Variants in KRT82 observed in about 807,000 individuals in gnomAD.
KRT82 encodes keratin, type II cuticular Hb2.
In KRT82, 44 loss-of-function variants were observed where a neutral mutation model predicts 48.0. The ratio of observed to expected loss-of-function variants is 0.92; its 90% CI spans 0.72 to 1.18. The LOEUF (loss-of-function observed/expected upper bound fraction) is 1.18. Among genes scored for constraint, KRT82 ranks in the 50% most tolerant of loss-of-function variants. KRT82 has a pLI of 0.00. For missense variants in KRT82, 701 were observed against 671.4 expected, an observed-to-expected ratio of 1.04 and a Z score of -0.49; for synonymous variants, 297 against 278.3, an observed-to-expected ratio of 1.07 and a Z score of -0.67.
At position 52,395,094 on chromosome 12, in the gene KRT82, C is replaced by T. The variant is rs201217558; in HGVS notation, c.1423G>A (p.Val475Met). The change falls in exon 9 of 9, where the codon GTG (valine) becomes ATG (methionine). Residue 475 changes from valine to methionine, a missense_variant. Val to Met is a conservative substitution (Grantham distance 21). Coordinates refer to ENST00000257974, the MANE Select transcript of KRT82 (RefSeq NM_033033.4). Reference protein sequence around the residue: ...VLRSNGGCSIVGTGELYVPCE... With the variant: ...VLRSNGGCSIMGTGELYVPCE... ...GGGACATAGAGTTCACCAGTGCCCA[C>T]GATGCTGCAGCCCCCATTGCTCCTG... The T allele has an allele frequency of 1.2e-4, 198 of 1,614,030 alleles. 1 individual carries two copies. Among genetic ancestry groups the T allele is most frequent in the South Asian group, 9.7e-4 (88 of 91,072 alleles).
Position 52,406,125 on chromosome 12 carries a change from G to A in KRT82, c.153C>T (p.Cys51=). The change falls in exon 1 of 9, where the codon TGC becomes TGT. Residue 51 remains cysteine (C), a synonymous_variant. Coordinates refer to ENST00000257974, the MANE Select transcript of KRT82 (RefSeq NM_033033.4). ...GGGRGLRALG[C]LGSRSLCNVG... ...CGTTGCACAGGCTCCGTGAGCCAAG[G>A]CAGCCCAGAGCTCGGAGGCCCCTAC... 6.2e-7 allele frequency: 1 copy of A among 1,612,978 alleles called. No homozygotes were observed. The highest frequency in any genetic ancestry group is 8.5e-7 in the Non-Finnish European group (1 of 1,179,814).
intron 4 of KRT82, 138 bp downstream of exon 4, chr12:52,400,389 C>T (rs536124604): frequency 1.1e-5 from 8 of 731,762 alleles, no homozygotes; most frequent in Admixed American, 7.5e-5. Context: ...GTGAGTCTCA[C>T]CGCCTGAGAA....
At chr12:52,403,168 G>C (rs2121481951) in intron 2 of KRT82, among the ~76,000 whole-genome samples, 1 of 152,348 alleles carries the variant, frequency 6.6e-6, no homozygotes, top group South Asian at 2.1e-4. Flanking sequence ...TGGGAAGTGA[G>C]GCAGAAGGAG....
Position 52,400,162 on chromosome 12 carries a change from C to T in KRT82, c.778-13G>A. 1 of 1,608,180 alleles carries T rather than the reference C, an allele frequency of 6.2e-7. No individual in the cohort carries two copies. Among genetic ancestry groups the T allele is most frequent in the Non-Finnish European group, 8.5e-7 (1 of 1,175,850 alleles). ...GCAGGCAGATCTCCTGGGGGCAGGGCCCATGTGAGAAGGAGTGAGCTCTCT... is the reference window on the plus strand; with the variant it reads ...GCAGGCAGATCTCCTGGGGGCAGGGTCCATGTGAGAAGGAGTGAGCTCTCT... On this transcript the variant is annotated splice_polypyrimidine_tract_variant and intron_variant, in intron 4 of 8. Coordinates refer to ENST00000257974, the MANE Select transcript of KRT82 (RefSeq NM_033033.4).
chr12:52,400,068 C>G lies in KRT82; in HGVS notation c.859G>C (p.Gly287Arg), dbSNP rs61730589. Residue 287 changes from glycine to arginine, a missense_variant, in exon 5 of 9, where the codon GGC (glycine) becomes CGC (arginine). Transcript: ENST00000257974. Reference protein sequence around the residue: ...MDNSRELDVDGIIAEIKAQYD... With the variant: ...MDNSRELDVDRIIAEIKAQYD... ...TGCGCCTTGATCTCAGCGATGATGC[C>G]GTCCACGTCCAGCTCCCGGCTGTTG... The G allele has an allele frequency of 6.2e-7, 1 of 1,614,202 alleles. No individual in the cohort carries two copies. The highest frequency in any genetic ancestry group is 2.2e-5 in the East Asian group (1 of 44,878).
In KRT82 at chr12:52,395,225, C is replaced by T. The variant is rs891148634; in HGVS notation, c.1322-30G>A. The T allele has an allele frequency of 7.5e-6, 12 of 1,589,636 alleles. No homozygotes were observed. In the African/African-American group the frequency reaches 1.5e-4, roughly 20 times the overall value. ...GGGAACAGGAAGGGGTGCTCAGGGC[C>T]CCACACGGTGTGGCTCTCAGTGTAC... On this transcript the variant is annotated intron_variant, in intron 8 of 8. Transcript: ENST00000257974.
chr12:52,396,811 G>T (rs780408630), intron 6 of KRT82, 72 bp downstream of exon 6: 1 of 1,575,712 alleles, frequency 6.3e-7, no homozygotes, highest in Non-Finnish European at 8.7e-7. Flanking sequence ...GATTGAACCC[G>T]CCCTGCACGG....
Position 52,400,605 on chromosome 12 carries a change from G to A in KRT82, c.699C>T (p.Phe233=), listed in dbSNP as rs755963497. The change falls in exon 4 of 9, where the codon TTC becomes TTT. Residue 233 remains phenylalanine, a synonymous_variant. Coordinates refer to ENST00000257974, the MANE Select transcript of KRT82 (RefSeq NM_033033.4). ...TGGTCTCCAGGTCAGCCTTCATCAG[G>A]AAGGCTGTGTCCACGTCCTGCAGCA... ...VALKKDVDTA[F]LMKADLETNA... 1.2e-6 allele frequency: 2 copies of A among 1,613,750 alleles called. No homozygotes were observed. Among genetic ancestry groups the A allele is most frequent in the African/African-American group, 1.3e-5 (1 of 74,932 alleles).
chr12:52,405,794 C>T (rs1412379635), intron 1 of KRT82, 73 bp downstream of exon 1: 7 of 1,469,238 alleles, frequency 4.8e-6, no homozygotes. Flanking sequence ...TCCTGGTTCC[C>T]TTGGACCAGA....
At chr12:52,399,174 C>T (rs980604151) in intron 5 of KRT82, among the ~76,000 whole-genome samples, 1 of 152,190 alleles carries the variant, frequency 6.6e-6, no homozygotes, top group Admixed American at 6.5e-5. Context: ...CCTACCCTTC[C>T]CCTGGTTTAT....
chr12:52,400,713 C>A (rs1034560347), intron 3 of KRT82, 91 bp from the exon 4 acceptor site: 1 of 863,424 alleles, frequency 1.2e-6, no homozygotes, highest in Admixed American at 1.8e-5. Context: ...CACCTTTCCT[C>A]ACGAACACCC....
At position 52,394,834 on chromosome 12, in the gene KRT82, C is replaced by T. The variant is rs1939687540; in HGVS notation, c.*141G>A. On this transcript the variant is annotated 3_prime_UTR_variant, in exon 9 of 9. Coordinates refer to ENST00000257974, the MANE Select transcript of KRT82 (RefSeq NM_033033.4). ...GGGGTCCTAGGGGCAGCTCAGCTCT[C>T]AAGGAGGGAACACTGGAGGGGAATG... The T allele has an allele frequency of 1.4e-6, 1 of 739,892 alleles. No homozygotes were observed. Among genetic ancestry groups the T allele is most frequent in the African/African-American group, 1.8e-5 (1 of 57,058 alleles). 45.8% of individuals were successfully genotyped at this position (739,892 alleles called of 1,614,324 possible).
Position 52,401,287 on chromosome 12 carries a change from A to G in KRT82, c.681+2T>C, listed in dbSNP as rs1939786507. ...CTCTGCCTCTCTGAGCTTCCTCCTT[A>G]CCTTCTTCAAGGCAACAAACTCATT... is the stretch of plus-strand genomic sequence containing the variant. On this transcript the variant is annotated splice_donor_variant, in intron 3 of 8. Transcript: ENST00000257974. LOFTEE classifies it high-confidence loss of function. 6.2e-7 allele frequency: 1 copy of G among 1,613,656 alleles called. No individual in the cohort carries two copies. The highest frequency in any genetic ancestry group is 1.3e-5 in the African/African-American group (1 of 74,888).
At chr12:52,401,262 C>T (rs1198165720) in intron 3 of KRT82, 27 bp downstream of exon 3, 1 of 1,604,822 alleles carries the variant, frequency 6.2e-7, no homozygotes, top group Admixed American at 1.7e-5. Flanking sequence ...AGCTCAGGGG[C>T]TCTGCCTCTC....
chr12:52,397,143 C>T (rs983800212), intron 5 of KRT82, 135 bp from the exon 6 acceptor site: 2 of 1,137,258 alleles, frequency 1.8e-6, no homozygotes, highest in Non-Finnish European at 1.2e-6. Flanking sequence ...GGTTCTGCTC[C>T]TTTACCTTCT....
chr12:52,395,396 C>T (rs1939699352), intron 8 of KRT82, among the ~76,000 whole-genome samples: 1 of 152,182 alleles, frequency 6.6e-6, no homozygotes, highest in South Asian at 2.1e-4. Context: ...TCTCCTTTCC[C>T]TAGAGCCTGG....
chr12:52,394,999 GC>G lies in KRT82; in HGVS notation c.1517del (p.Gly506AlafsTer56), dbSNP rs1565780430. ...GCTAATGCTTGTGGCTGGGGGAGCT[GC>G]CCCCAGCTCCTAGCGTCATGCTGGA... ...RKSSMTLGAG[G>X]SSPSHKH On this transcript the variant is annotated frameshift_variant, in exon 9 of 9. Transcript: ENST00000257974. LOFTEE classifies it high-confidence loss of function. 1.2e-6 allele frequency: 2 copies of G among 1,613,228 alleles called. No homozygotes were observed. Among genetic ancestry groups the G allele is most frequent in the African/African-American group, 1.3e-5 (1 of 74,998 alleles).
At chr12:52,400,681 G>T in intron 3 of KRT82, 59 bp from the exon 4 acceptor site, 1 of 1,226,828 alleles carries the variant, frequency 8.2e-7, no homozygotes, top group South Asian at 1.2e-5. Flanking sequence ...GCAAGCTGGT[G>T]GCAGGGGGAA....
chr12:52,395,239 C>T lies in KRT82; in HGVS notation c.1322-44G>A, dbSNP rs141933272. On this transcript the variant is annotated intron_variant, in intron 8 of 8. Coordinates refer to ENST00000257974, the MANE Select transcript of KRT82 (RefSeq NM_033033.4). ...GTGCTCAGGGCCCCACACGGTGTGG[C>T]TCTCAGTGTACTGCCCTGAAACTAC... is the stretch of plus-strand genomic sequence containing the variant. The T allele has an allele frequency of 3.6e-3, 5,490 of 1,539,608 alleles. 18 individuals are homozygous for T. The highest frequency in any genetic ancestry group is 0.011 in the African/African-American group (827 of 73,286).
Sources: allele counts gnomAD v4.1 joint callset (sites outside exome capture counted in the v4.1 genomes callset), GRCh38; gene constraint gnomAD v4.1.1; transcripts MANE v1.5; gene names NCBI Gene and HGNC (gene_info 2026-07-23, HGNC 2026-07-21).